NLGN1: variants seen among roughly 807,000 people sequenced by gnomAD.
The protein encoded by NLGN1 is neuroligin 1.
A neutral mutation model predicts 65.5 loss-of-function variants in NLGN1; 12 were observed. The ratio of observed to expected loss-of-function variants is 0.18; its 90% confidence interval spans 0.12 to 0.30. The LOEUF is 0.30. NLGN1 is among the 10% of genes least tolerant of loss of function. The pLI, the probability that NLGN1 is intolerant of heterozygous loss-of-function variation, is 1.00. For synonymous variants in NLGN1, 350 were observed against 359.5 expected, an observed-to-expected ratio of 0.97 and a Z score of 0.30; for missense variants, 750 against 1,007.1, an observed-to-expected ratio of 0.74 and a Z score of 3.46.
chr3:173,743,010 T>G (rs954449663), intron 3 of NLGN1, among the ~76,000 whole-genome samples: 4 of 152,174 alleles, frequency 2.6e-5, no homozygotes, highest in Non-Finnish European at 5.9e-5. Context: ...TAGACCTATG[T>G]CTTAATAACA....
chr3:174,068,181 G>A (rs947776250), intron 4 of NLGN1, among the ~76,000 whole-genome samples: 2 of 151,938 alleles, frequency 1.3e-5, no homozygotes, highest in Non-Finnish European at 2.9e-5. Flanking sequence ...TCAGCATACA[G>A]CTGGCAGCCC....
chr3:173,800,335 A>G, intron 3 of NLGN1: 1 of 1,220,876 alleles, frequency 8.2e-7, no homozygotes, highest in Non-Finnish European at 1.1e-6. Context: ...GGTGATAATG[A>G]CGGTGCTGAA....
chr3:173,996,216 A>G (rs1202266561), intron 4 of NLGN1, among the ~76,000 whole-genome samples: 2 of 152,168 alleles, frequency 1.3e-5, no homozygotes, highest in Non-Finnish European at 2.9e-5. Flanking sequence ...TAATTTACAT[A>G]ATGGTTTCTT....
At chr3:173,561,738 T>G (rs1468178427) in intron 2 of NLGN1, among the ~76,000 whole-genome samples, 2 of 152,198 alleles carry the variant, frequency 1.3e-5, no homozygotes, top group African/African-American at 2.4e-5. Context: ...TTTAAATAAT[T>G]TATTGAGTCC....
rs143399050 is a variant in NLGN1, at chr3:174,280,889, G to A, written c.2058G>A (p.Leu686=). 12 of 1,613,284 alleles carry A rather than the reference G, an allele frequency of 7.4e-6. No individual in the cohort carries two copies. In the African/African-American group the frequency reaches 1.6e-4, roughly 22 times the overall value. The change falls in exon 7 of 7, where the codon CTG becomes CTA. Residue 686 remains leucine (L), a synonymous_variant. Transcript: ENST00000457714. This position sits in a 1 kb window ranked among gnomAD's most constrained non-coding sequence, Gnocchi z 4.9. ...TCACTATTGCAGTTGGAGCATCACT[G>A]CTGTTTCTGAACATCTTGGCCTTTG...
chr3:173,877,762 T>A (rs926074293), intron 4 of NLGN1, among the ~76,000 whole-genome samples: 2 of 152,236 alleles, frequency 1.3e-5, no homozygotes, highest in East Asian at 1.9e-4. Context: ...AGATAACAGC[T>A]AACATTTGTG....
chr3:174,244,296 T>C (rs1743399347), intron 4 of NLGN1, among the ~76,000 whole-genome samples: 1 of 152,150 alleles, frequency 6.6e-6, no homozygotes, highest in Non-Finnish European at 1.5e-5. Context: ...CCTGTTTAAT[T>C]TGTGGGAAGT....
intron 4 of NLGN1, among the ~76,000 whole-genome samples, chr3:174,240,238 C>T (rs552752389): frequency 2.6e-5 from 4 of 151,910 alleles, no homozygotes; most frequent in South Asian, 2.1e-4. Context: ...TTAAAAAGTT[C>T]TCTTGTAATA....
chr3:173,982,731 G>C (rs1204552783), intron 4 of NLGN1, among the ~76,000 whole-genome samples: 1 of 152,162 alleles, frequency 6.6e-6, no homozygotes, highest in Admixed American at 6.6e-5. Context: ...GGCTGCTGCT[G>C]TGAGTTTCAG....
intron 4 of NLGN1, among the ~76,000 whole-genome samples, chr3:174,003,476 T>C (rs1460344453): frequency 6.6e-6 from 1 of 152,140 alleles, no homozygotes; most frequent in Admixed American, 6.6e-5. Flanking sequence ...AGAAGCACTT[T>C]TGTAAATTAT....
At chr3:173,574,757 C>T (rs1745246092) in intron 2 of NLGN1, among the ~76,000 whole-genome samples, 1 of 152,192 alleles carries the variant, frequency 6.6e-6, no homozygotes, top group South Asian at 2.1e-4. Context: ...GGGATTTATT[C>T]AACTACACCA....
intron 1 of NLGN1, among the ~76,000 whole-genome samples, chr3:173,433,113 A>G (rs1487142283): frequency 3.9e-5 from 6 of 151,976 alleles, no homozygotes; most frequent in African/African-American, 1.5e-4. Context: ...CATGGCTTTT[A>G]TTATTCTTAA....
rs144376010 is a variant in NLGN1, at chr3:174,118,802, A to C, written c.647-156513A>C. 5.3e-3 allele frequency among the ~76,000 whole-genome samples: 812 copies of C among 152,216 alleles called. 10 individuals carry two copies. Among genetic ancestry groups the C allele is most frequent in the African/African-American group, 0.019 (781 of 41,532 alleles). On this transcript the variant is annotated intron_variant, in intron 4 of 6. Coordinates refer to ENST00000457714, the Ensembl canonical transcript of NLGN1. ...CATCCAAGTAGAATGCAAATTAGGA[A>C]ATTGGTGGCCGTGTATTACATACTA...
At chr3:174,022,621 G>T (rs1727973806) in intron 4 of NLGN1, among the ~76,000 whole-genome samples, 1 of 152,184 alleles carries the variant, frequency 6.6e-6, no homozygotes, top group Non-Finnish European at 1.5e-5. Flanking sequence ...ATCACTAATT[G>T]TGAGAGAAAT....
intron 4 of NLGN1, among the ~76,000 whole-genome samples, chr3:174,224,445 T>A: frequency 6.6e-6 from 1 of 152,172 alleles, no homozygotes; most frequent in Non-Finnish European, 1.5e-5. Flanking sequence ...ACGCCTGCAA[T>A]CCCAGAACTT....
chr3:173,696,186 G>A (rs1330733382), intron 3 of NLGN1, among the ~76,000 whole-genome samples: 1 of 152,114 alleles, frequency 6.6e-6, no homozygotes, highest in Non-Finnish European at 1.5e-5. Context: ...AAATCTATTA[G>A]AATATACAAT....
intron 2 of NLGN1, among the ~76,000 whole-genome samples, chr3:173,512,859 T>C (rs1289604445): frequency 2.0e-5 from 3 of 152,210 alleles, no homozygotes; most frequent in Non-Finnish European, 4.4e-5. Flanking sequence ...AATTTTTATG[T>C]TGAAAGATGA....
At chr3:173,914,714 A>G (rs1051636822) in intron 4 of NLGN1, among the ~76,000 whole-genome samples, 1 of 152,118 alleles carries the variant, frequency 6.6e-6, no homozygotes, top group Non-Finnish European at 1.5e-5. Flanking sequence ...AGAGACTAAA[A>G]CCAACATGAA....
intron 3 of NLGN1, among the ~76,000 whole-genome samples, chr3:173,714,931 A>G (rs1769596566): frequency 6.6e-6 from 1 of 152,124 alleles, no homozygotes; most frequent in African/African-American, 2.4e-5. Flanking sequence ...GAGAATAAAC[A>G]CAAGAGCTTA....
Sources: allele counts gnomAD v4.1 joint callset (sites outside exome capture counted in the v4.1 genomes callset), GRCh38; gene constraint gnomAD v4.1.1; non-coding constraint Gnocchi (gnomAD v3.1); transcripts MANE v1.5; gene names NCBI Gene and HGNC (gene_info 2026-07-23, HGNC 2026-07-21).